Variants in ZNF787 observed in about 807,000 individuals in gnomAD.
ZNF787 encodes zinc finger protein 787.
A neutral mutation model predicts 16.9 loss-of-function variants in ZNF787; 7 were observed. The observed-to-expected ratio is 0.42, with a 90% CI of 0.24 to 0.78. The LOEUF is 0.78. ZNF787 is among the 30% of genes least tolerant of loss of function. ZNF787 has a pLI of 0.30. For synonymous variants in ZNF787, 345 were observed against 270.9 expected (o/e 1.27, Z -2.69); for missense variants, 551 against 589.3 (o/e 0.94, Z 0.67).
chr19:56,100,770 AC>A, intron 2 of ZNF787, among the ~76,000 whole-genome samples: 1 of 141,636 alleles, frequency 7.1e-6, no homozygotes, highest in Non-Finnish European at 1.5e-5. Context: ...TCACTGTCAC[AC>A]AGGAGGAATG....
At chr19:56,098,420 G>A (rs1039989945) in intron 2 of ZNF787, among the ~76,000 whole-genome samples, 1 of 152,196 alleles carries the variant, frequency 6.6e-6, no homozygotes, top group Admixed American at 6.5e-5. Context: ...GCAGGGTGAT[G>A]CCACCCAGGT....
intron 2 of ZNF787, among the ~76,000 whole-genome samples, chr19:56,092,044 A>ACCCTCACCCTC (rs1568523618): frequency 3.1e-5 from 4 of 128,834 alleles, no homozygotes; most frequent in Admixed American, 7.6e-5. Context: ...GCCGAAGCCG[A>ACCCTCACCCTC]AGCCTCACCC....
At chr19:56,115,910 A>G (rs1441143653) in intron 1 of ZNF787, among the ~76,000 whole-genome samples, 1 of 152,186 alleles carries the variant, frequency 6.6e-6, no homozygotes, top group Non-Finnish European at 1.5e-5. Flanking sequence ...GTAACTGAGA[A>G]TTGTTTAAAA....
intron 2 of ZNF787, among the ~76,000 whole-genome samples, chr19:56,097,220 G>A (rs1049406056): frequency 6.6e-6 from 1 of 152,210 alleles, no homozygotes; most frequent in African/African-American, 2.4e-5. Context: ...ACTGACTGCA[G>A]GCACACAGGA....
intron 2 of ZNF787, among the ~76,000 whole-genome samples, chr19:56,094,473 C>CT (rs57458324): frequency 0.21 from 30,234 of 146,004 alleles, 3,240 homozygotes; most frequent in South Asian, 0.34. Context: ...CACGCCCCGC[C>CT]TTTTTTTTTT....
Position 56,088,079 on chromosome 19 carries a change from C to A in ZNF787, c.1093G>T (p.Asp365Tyr). Residue 365 changes from aspartate (D) to tyrosine (Y), a missense_variant, in exon 3 of 3, where the codon GAC (aspartate) becomes TAC (tyrosine). This residue lies in a region of ZNF787 where 392 missense variants were observed against 312.7 expected (regional missense o/e 1.25). Transcript: ENST00000610935. The surrounding 1 kb of genome is among the most constrained non-coding windows in gnomAD (Gnocchi z 8.6). ...CACCGCCCGCCCGCGGCCTCGTCGT[C>A]GTCGTCCTCCTCCTCCCCGCCCGCG... ...YRAGGEEEDD[D>Y]DEAAGGRCPE... is the part of the protein sequence containing the mutation. 4 of 1,341,828 alleles carry A rather than the reference C, an allele frequency of 3.0e-6. No homozygotes were observed. The highest frequency in any genetic ancestry group is 1.9e-6 in the Non-Finnish European group (2 of 1,026,338). 83.1% of individuals were successfully genotyped at this position (1,341,828 alleles called of 1,614,324 possible).
In ZNF787 at chr19:56,088,597, C is replaced by T; in HGVS notation, c.575G>A (p.Ser192Asn). The change falls in exon 3 of 3, where the codon AGC (serine) becomes AAC (asparagine). Residue 192 changes from serine (S) to asparagine (N), a missense_variant. Physicochemically the swap from Ser to Asn is conservative, Grantham distance 46. Around this residue, in one of 4 missense-constraint regions of ZNF787, gnomAD observed 392 missense variants for 312.7 expected, o/e 1.25. Coordinates refer to ENST00000610935, the MANE Select transcript of ZNF787 (RefSeq NM_001002836.4). The surrounding 1 kb of genome is among the most constrained non-coding windows in gnomAD (Gnocchi z 8.6). The stretch of plus-strand genomic sequence containing the variant: ...GTGCAGCCGCAGGTGACGCGCGAGG[C>T]TCTTGGGCTGGCTGAAGCCGCGGCC... ...RCGRGFSQPK[S>N]LARHLRLHPE... 2 of 1,518,474 alleles carry T rather than the reference C, an allele frequency of 1.3e-6. No homozygotes were observed. Among genetic ancestry groups the T allele is most frequent in the South Asian group, 1.2e-5 (1 of 82,224 alleles). 94.1% of individuals were successfully genotyped at this position (1,518,474 alleles called of 1,614,324 possible). A position where few individuals can be genotyped will look rare whatever the true frequency, so the allele number is the denominator to read the frequency against.
At position 56,092,160 on chromosome 19, in the gene ZNF787, C is replaced by G. The variant is rs28662309; in HGVS notation, c.80-3068G>C. ...ACGAATTCCCAGCAAGAGAAGAGCA[C>G]GGTGAGGAGCACAAGAGTTCTCATT... On this transcript the variant is annotated intron_variant, in intron 2 of 2. Coordinates refer to ENST00000610935, the MANE Select transcript of ZNF787 (RefSeq NM_001002836.4). Among the ~76,000 whole-genome samples the G allele has an allele frequency of 2.5e-3, 376 of 152,206 alleles. 5 individuals are homozygous for G. The highest frequency in any genetic ancestry group is 8.6e-3 in the African/African-American group (359 of 41,522).
intron 2 of ZNF787, chr19:56,102,805 G>C (rs561765047): frequency 3.7e-5 from 25 of 669,478 alleles, no homozygotes; most frequent in African/African-American, 5.3e-5. Flanking sequence ...AGGATGTGGA[G>C]GCGGGGCTGT....
rs1985788578 is a variant in ZNF787, at chr19:56,094,363, AG to A, written c.80-5272del. Among the ~76,000 whole-genome samples, 4 of 149,568 alleles carry A rather than the reference AG, an allele frequency of 2.7e-5. No individual in the cohort carries two copies. In the South Asian group the frequency reaches 8.5e-4, roughly 32 times the overall value. On this transcript the variant is annotated intron_variant, in intron 2 of 2. Transcript: ENST00000610935. ...GTGTGTGTGTGCTCTTAGTAGAGAC[AG>A]GGTTTCTCCATGTTGGCCAGGCTGG...
At chr19:56,107,530 G>A (rs1316628448) in intron 1 of ZNF787, among the ~76,000 whole-genome samples, 3 of 143,200 alleles carry the variant, frequency 2.1e-5, no homozygotes, top group Non-Finnish European at 3.2e-5. Flanking sequence ...GTCACTGGGA[G>A]AAACGAGTCA....
At chr19:56,101,001 A>C (rs1346308291) in intron 2 of ZNF787, among the ~76,000 whole-genome samples, 1 of 131,824 alleles carries the variant, frequency 7.6e-6, no homozygotes, top group African/African-American at 3.0e-5. Context: ...TGGCCAGGCC[A>C]ACCCCCGCCA....
At chr19:56,103,584 T>C in intron 1 of ZNF787, 1 of 278,608 alleles carries the variant, frequency 3.6e-6, no homozygotes, top group Non-Finnish European at 6.7e-6. Flanking sequence ...ATGGAGAACA[T>C]GTTACTGTCA....
rs1208046943 is a variant in ZNF787 at position 56,103,956 on chromosome 19, G to A, written c.-10-729C>T. 7.9e-4 allele frequency among the ~76,000 whole-genome samples: 5 copies of A among 6,314 alleles called. 1 individual carries two copies. Among genetic ancestry groups the A allele is most frequent in the African/African-American group, 3.8e-3 (5 of 1,320 alleles). 4.1% of individuals were successfully genotyped at this position (6,314 alleles called of 152,430 possible). The stretch of plus-strand genomic sequence containing the variant: ...TACGCACGCCGCCGACCCGTGCCAC[G>A]CACCGGGAGGGTCCCTACGCACGAC... On this transcript the variant is annotated intron_variant, in intron 1 of 2. Transcript: ENST00000610935.
chr19:56,107,570 A>G (rs879928577), intron 1 of ZNF787, among the ~76,000 whole-genome samples: 2 of 151,892 alleles, frequency 1.3e-5, no homozygotes, highest in Non-Finnish European at 2.9e-5. Flanking sequence ...AGGGAGGGAC[A>G]AGGGTCACCA....
rs1985471883 is a variant in ZNF787, at chr19:56,089,088, G to A, written c.84C>T (p.Asp28=). 1.4e-6 allele frequency: 2 copies of A among 1,462,216 alleles called. No individual in the cohort carries two copies. The highest frequency in any genetic ancestry group is 1.8e-6 in the Non-Finnish European group (2 of 1,109,618). 90.6% of individuals were successfully genotyped at this position (1,462,216 alleles called of 1,614,324 possible). Residue 28 remains aspartate (D), a synonymous_variant, in exon 3 of 3, where the codon GAC becomes GAT. Coordinates refer to ENST00000610935, the MANE Select transcript of ZNF787 (RefSeq NM_001002836.4). ...QQMASHENPV[D]ILIMDDDDVP... ...CGTCGTCATCATCCATGATGAGGAT[G>A]TCCACTGGAAAGCAAGAGGGTAGGG...
Position 56,087,882 on chromosome 19 carries a change from G to T in ZNF787, c.*141C>A, listed in dbSNP as rs1403331328. The T allele has an allele frequency of 1.6e-6, 2 of 1,255,256 alleles. No individual in the cohort carries two copies. Among genetic ancestry groups the T allele is most frequent in the Non-Finnish European group, 2.0e-6 (2 of 993,760 alleles). The allele number at this position is 1,255,256 out of a possible 1,614,324, so 77.8% of individuals were successfully genotyped here. ...CAGTGCCCCCCCACGGACGGCGCAG[G>T]GACAGAGGAGGGCGGGGAGCCGGGG... On this transcript the variant is annotated 3_prime_UTR_variant, in exon 3 of 3. Coordinates refer to ENST00000610935, the MANE Select transcript of ZNF787 (RefSeq NM_001002836.4).
At chr19:56,094,442 G>C (rs1318891852) in intron 2 of ZNF787, among the ~76,000 whole-genome samples, 1 of 151,240 alleles carries the variant, frequency 6.6e-6, no homozygotes, top group Non-Finnish European at 1.5e-5. Context: ...CCAAAGTGCT[G>C]GGATTACAAG....
At chr19:56,105,223 C>A (rs1020552372) in intron 1 of ZNF787, among the ~76,000 whole-genome samples, 1 of 152,162 alleles carries the variant, frequency 6.6e-6, no homozygotes, top group Non-Finnish European at 1.5e-5. Context: ...CTCCTGCAGG[C>A]GCGGCTGGAA....
Sources: allele counts gnomAD v4.1 joint callset (sites outside exome capture counted in the v4.1 genomes callset), GRCh38; gene constraint gnomAD v4.1.1; regional missense constraint gnomAD v4.1.1; non-coding constraint Gnocchi (gnomAD v3.1); transcripts MANE v1.5; gene names NCBI Gene and HGNC (gene_info 2026-07-23, HGNC 2026-07-21).